The following OSBPL1A variants were observed in gnomAD, a reference collection of about 807,000 sequenced individuals.
The protein encoded by OSBPL1A is oxysterol binding protein like 1A, also known as oxysterol-binding protein-related protein 1.
A neutral mutation model predicts 137.1 loss-of-function variants in OSBPL1A; 80 were observed. The observed-to-expected ratio is 0.58, with a 90% CI of 0.49 to 0.70. OSBPL1A has a LOEUF of 0.70. Ranked by LOEUF, OSBPL1A falls within the 30% of genes least tolerant of loss-of-function variation. The probability of loss-of-function intolerance (pLI) is 0.00; values close to 1 mark genes in which losing one functional copy is unlikely to be tolerated. For synonymous variants in OSBPL1A, 365 were observed against 389.7 expected (o/e 0.94, Z 0.75); for missense variants, 970 against 1,129.4 (o/e 0.86, Z 2.02).
chr18:24,349,341 G>A (rs747206352), intron 4 of OSBPL1A, among the ~76,000 whole-genome samples: 1 of 152,098 alleles, frequency 6.6e-6, no homozygotes, highest in Admixed American at 6.6e-5. Context: ...TGAAAATGTG[G>A]AAGAAAACCT....
chr18:24,329,547 CAAAAA>C (rs369613715), intron 7 of OSBPL1A, among the ~76,000 whole-genome samples: 1 of 63,472 alleles, frequency 1.6e-5, no homozygotes, highest in African/African-American at 5.8e-5. Context: ...GAAACTCTGT[CAAAAA>C]AAAAAAAAAA....
chr18:24,202,325 A>C (rs1198216817), intron 17 of OSBPL1A, among the ~76,000 whole-genome samples: 4 of 152,238 alleles, frequency 2.6e-5, no homozygotes, highest in African/African-American at 9.6e-5. Context: ...TCAGAAATGA[A>C]GGTTCAACTT....
chr18:24,290,388 C>T (rs1400189821), intron 14 of OSBPL1A, among the ~76,000 whole-genome samples: 1 of 152,140 alleles, frequency 6.6e-6, no homozygotes, highest in East Asian at 1.9e-4. Flanking sequence ...AGAAGATTAA[C>T]AGATGAGCCT....
At chr18:24,378,531 T>A (rs553419825) in intron 1 of OSBPL1A, among the ~76,000 whole-genome samples, 1 of 152,362 alleles carries the variant, frequency 6.6e-6, no homozygotes, top group East Asian at 1.9e-4. Flanking sequence ...TTTGCTGTCA[T>A]CTTATACAAG....
chr18:24,254,204 T>C (rs2089197275), intron 15 of OSBPL1A, among the ~76,000 whole-genome samples: 1 of 152,166 alleles, frequency 6.6e-6, no homozygotes, highest in Non-Finnish European at 1.5e-5. Flanking sequence ...ATAAAGCAAA[T>C]ATTATTAGAG....
intron 4 of OSBPL1A, among the ~76,000 whole-genome samples, chr18:24,365,577 C>T (rs1231146521): frequency 5.4e-5 from 8 of 147,270 alleles, no homozygotes; most frequent in Middle Eastern, 7.0e-3. Flanking sequence ...GAGCAAGACT[C>T]GGTCTCAAAA....
At chr18:24,299,804 T>G (rs2090363218) in intron 14 of OSBPL1A, among the ~76,000 whole-genome samples, 1 of 152,236 alleles carries the variant, frequency 6.6e-6, no homozygotes, top group Non-Finnish European at 1.5e-5. Flanking sequence ...AGTATATGTA[T>G]TAAAAGTTGG....
At chr18:24,217,125 T>C (rs182892053) in intron 17 of OSBPL1A, among the ~76,000 whole-genome samples, 1 of 152,350 alleles carries the variant, frequency 6.6e-6, no homozygotes, top group Non-Finnish European at 1.5e-5. Flanking sequence ...GGAAAGATAC[T>C]GTAATAGATT....
At chr18:24,293,035 G>A (rs1317677181) in intron 14 of OSBPL1A, among the ~76,000 whole-genome samples, 1 of 148,722 alleles carries the variant, frequency 6.7e-6, no homozygotes, top group African/African-American at 2.5e-5. Flanking sequence ...GAACCTGGGG[G>A]CGGAGGTTGC....
intron 5 of OSBPL1A, among the ~76,000 whole-genome samples, chr18:24,338,677 T>G (rs1309116825): frequency 2.0e-5 from 3 of 152,160 alleles, no homozygotes; most frequent in African/African-American, 7.2e-5. Flanking sequence ...GTAAAACATT[T>G]CTTGTCTCTC....
Position 24,173,659 on chromosome 18 carries a change from C to T in OSBPL1A, c.2094-1176G>A, listed in dbSNP as rs532906007. Among the ~76,000 whole-genome samples the T allele has an allele frequency of 3.9e-5, 6 of 152,302 alleles. No individual in the cohort carries two copies. In the South Asian group the frequency reaches 1.0e-3, roughly 26 times the overall value. On this transcript the variant is annotated intron_variant, in intron 21 of 27. Transcript: ENST00000319481. ...AACTCCTGACCTCAGGTGATCCACC[C>T]GCCTTGGCCTCCCAAAGTGCTGGGA...
intron 5 of OSBPL1A, among the ~76,000 whole-genome samples, chr18:24,341,114 G>A (rs923757916): frequency 1.6e-4 from 25 of 152,018 alleles, no homozygotes; most frequent in Non-Finnish European, 2.8e-4. Flanking sequence ...TCCTCCCTCC[G>A]CCTCCCAAGT....
chr18:24,180,735 G>A, intron 19 of OSBPL1A, among the ~76,000 whole-genome samples: 1 of 152,178 alleles, frequency 6.6e-6, no homozygotes, highest in Non-Finnish European at 1.5e-5. Flanking sequence ...AAATTAGCCA[G>A]GCATAGTGGC....
At chr18:24,261,167 C>T (rs972228898) in intron 15 of OSBPL1A, among the ~76,000 whole-genome samples, 2 of 152,140 alleles carry the variant, frequency 1.3e-5, no homozygotes, top group South Asian at 2.1e-4. Context: ...AAAGTGCATA[C>T]GATATGATTC....
intron 14 of OSBPL1A, among the ~76,000 whole-genome samples, chr18:24,293,790 A>G (rs1156763774): frequency 1.3e-5 from 2 of 152,186 alleles, no homozygotes; most frequent in African/African-American, 4.8e-5. Flanking sequence ...CTCTCACTCC[A>G]AGTGAGAAGA....
At chr18:24,201,824 G>A (rs1050883106) in intron 17 of OSBPL1A, among the ~76,000 whole-genome samples, 3 of 151,850 alleles carry the variant, frequency 2.0e-5, no homozygotes, top group African/African-American at 7.3e-5. Context: ...TTACCTAACT[G>A]CACAGATCTC....
chr18:24,294,015 T>A (rs930233981), intron 14 of OSBPL1A, among the ~76,000 whole-genome samples: 1 of 152,174 alleles, frequency 6.6e-6, no homozygotes, highest in Non-Finnish European at 1.5e-5. Context: ...GAAACAGTTT[T>A]AAGTAGGCTA....
intron 15 of OSBPL1A, among the ~76,000 whole-genome samples, chr18:24,247,506 C>T (rs79195369): frequency 1.3e-5 from 2 of 152,162 alleles, no homozygotes; most frequent in African/African-American, 4.8e-5. Flanking sequence ...TACTCTGTCA[C>T]CCAGGCTAGA....
intron 14 of OSBPL1A, among the ~76,000 whole-genome samples, chr18:24,286,856 T>A (rs1050295370): frequency 5.0e-4 from 76 of 152,222 alleles, no homozygotes; most frequent in African/African-American, 1.8e-3. Context: ...AGCTAAGTGC[T>A]GGAGAAAAAG....
Sources: gnomAD v4.1 joint callset for allele counts (sites outside exome capture counted in the v4.1 genomes callset) on GRCh38, gnomAD v4.1.1 for gene constraint, MANE v1.5 for transcripts, NCBI Gene and HGNC (gene_info 2026-07-23, HGNC 2026-07-21) for gene names.